Variants in ZNF536 observed in about 807,000 individuals in gnomAD.
ZNF536 encodes the protein zinc finger protein 536.
In ZNF536, 13 loss-of-function variants were observed where a neutral mutation model predicts 84.5. The observed-to-expected ratio is 0.15, with a 90% confidence interval of 0.10 to 0.24. The LOEUF is 0.24. ZNF536 is among the 10% of genes least tolerant of loss of function. The probability of loss-of-function intolerance (pLI) is 1.00; values close to 1 mark genes in which losing one functional copy is unlikely to be tolerated. For synonymous variants in ZNF536, 811 were observed against 742.5 expected, an observed-to-expected ratio of 1.09 and a Z score of -1.50; for missense variants, 1,536 against 1,747.5, an observed-to-expected ratio of 0.88 and a Z score of 2.16.
chr19:30,541,772 T>G (rs1236821289), intron 3 of ZNF536, among the ~76,000 whole-genome samples: 3 of 152,184 alleles, frequency 2.0e-5, no homozygotes. Flanking sequence ...TGCTCACATT[T>G]TAATGGGAAA....
chr19:30,582,406 G>A (rs1256485710), intron 1 of ZNF536, among the ~76,000 whole-genome samples: 1 of 120,984 alleles, frequency 8.3e-6, no homozygotes, highest in Non-Finnish European at 1.7e-5. Context: ...TTTTCAGACA[G>A]GGTCTAATTC....
chr19:30,439,449 G>A lies in ZNF536; in HGVS notation c.-2-4112G>A, dbSNP rs761861991. Among the ~76,000 whole-genome samples the A allele has an allele frequency of 5.3e-5, 8 of 152,268 alleles. No homozygotes were observed. In the South Asian group the frequency reaches 6.2e-4, roughly 12 times the overall value. On this transcript the variant is annotated intron_variant, in intron 1 of 4. Transcript: ENST00000355537. ...ACCCAGGTTTTGTGAGTCCCAGGCC[G>A]GGCCTGGGGCCAGCTTGTCCTGCCT...
intron 2 of ZNF536, among the ~76,000 whole-genome samples, chr19:30,284,304 G>A (rs1291226546): frequency 2.6e-5 from 4 of 152,144 alleles, no homozygotes; most frequent in South Asian, 4.1e-4. Flanking sequence ...TCTTGTGGGC[G>A]GGGTGAACTA....
intron 1 of ZNF536, among the ~76,000 whole-genome samples, chr19:30,252,043 C>T (rs1361769690): frequency 2.0e-5 from 3 of 152,162 alleles, no homozygotes; most frequent in Admixed American, 6.5e-5. Flanking sequence ...ACAATCTATA[C>T]ATCTGACAAA....
chr19:30,641,937 T>A (rs2049280578), intron 1 of ZNF536, among the ~76,000 whole-genome samples: 1 of 152,154 alleles, frequency 6.6e-6, no homozygotes, highest in Non-Finnish European at 1.5e-5. Context: ...AAGCCAAGGA[T>A]AATAGTACGA....
At chr19:30,392,544 A>G (rs918331991) in intron 1 of ZNF536, among the ~76,000 whole-genome samples, 1 of 152,164 alleles carries the variant, frequency 6.6e-6, no homozygotes, top group Non-Finnish European at 1.5e-5. Context: ...CGGCCTCCCA[A>G]CTGAGCCTGA....
At chr19:30,661,226 T>G (rs564262446) in intron 1 of ZNF536, among the ~76,000 whole-genome samples, 7 of 152,364 alleles carry the variant, frequency 4.6e-5, no homozygotes, top group Admixed American at 3.9e-4. Flanking sequence ...TCTAGACTCT[T>G]CTTAGGCAAC....
chr19:30,473,533 C>T lies in ZNF536; in HGVS notation c.2170+27801C>T, dbSNP rs1409464172. Among the ~76,000 whole-genome samples, 3 of 152,192 alleles carry T rather than the reference C, an allele frequency of 2.0e-5. No homozygotes were observed. In the East Asian group the frequency reaches 5.8e-4, roughly 29 times the overall value. The stretch of plus-strand genomic sequence containing the variant: ...CACCTTGCTGCCTATCTGTAAGTAA[C>T]AAATCTGCTTCACATAACCTGTTGC... On this transcript the variant is annotated intron_variant, in intron 2 of 4. Transcript: ENST00000355537.
intron 1 of ZNF536, among the ~76,000 whole-genome samples, chr19:30,702,596 C>T (rs1474536149): frequency 1.3e-5 from 2 of 152,106 alleles, no homozygotes; most frequent in Admixed American, 6.5e-5. Flanking sequence ...TCCCACGGAA[C>T]GAGGGCCAAG....
In ZNF536 at chr19:30,306,889, A is replaced by G. The variant is rs573045071; in HGVS notation, c.-120+22748A>G. ...AGTGTAAGAGCCACAAAACATATAGATAAAAATATAGCCATAATCACACAT... is the reference window on the plus strand; with the variant it reads ...AGTGTAAGAGCCACAAAACATATAGGTAAAAATATAGCCATAATCACACAT... On this transcript the variant is annotated intron_variant, in intron 2 of 5. Coordinates refer to the ZNF536 transcript ENST00000585628. 1.8e-4 allele frequency among the ~76,000 whole-genome samples: 28 copies of G among 152,372 alleles called. 1 individual carries two copies. In the South Asian group the frequency reaches 4.8e-3, roughly 26 times the overall value.
intron 1 of ZNF536, among the ~76,000 whole-genome samples, chr19:30,664,203 T>TC (rs2050221896): frequency 7.9e-5 from 7 of 88,704 alleles, no homozygotes; most frequent in South Asian, 3.1e-4. Flanking sequence ...CTTGCTGAGT[T>TC]TTCTCTCTCT....
At chr19:30,610,236 GA>G (rs1417074937) in intron 1 of ZNF536, among the ~76,000 whole-genome samples, 1 of 152,172 alleles carries the variant, frequency 6.6e-6, no homozygotes, top group Non-Finnish European at 1.5e-5. Flanking sequence ...AGTTTCCTTA[GA>G]TCTAAAACAT....
intron 2 of ZNF536, among the ~76,000 whole-genome samples, chr19:30,532,250 C>T (rs1186762376): frequency 6.6e-6 from 1 of 152,128 alleles, no homozygotes; most frequent in East Asian, 1.9e-4. Context: ...CTGCTTCAGC[C>T]TCCCGAGTAG....
chr19:30,383,027 C>T (rs1216933691), intron 1 of ZNF536, among the ~76,000 whole-genome samples: 1 of 152,254 alleles, frequency 6.6e-6, no homozygotes, highest in East Asian at 1.9e-4. Flanking sequence ...TGGTGGTCCA[C>T]GCCTGCAAGC....
At chr19:30,293,736 A>T (rs1243603123) in intron 2 of ZNF536, among the ~76,000 whole-genome samples, 1 of 152,184 alleles carries the variant, frequency 6.6e-6, no homozygotes, top group African/African-American at 2.4e-5. Flanking sequence ...GCATGTTAGC[A>T]CATTGCAAGA....
intron 1 of ZNF536, among the ~76,000 whole-genome samples, chr19:30,411,092 T>A (rs901903049): frequency 5.9e-5 from 9 of 152,110 alleles, no homozygotes; most frequent in East Asian, 1.9e-4. Context: ...TTTCTCCAAT[T>A]AAAAAAATGC....
At chr19:30,353,994 G>C (rs999797054) in intron 3 of ZNF536, among the ~76,000 whole-genome samples, 4 of 152,192 alleles carry the variant, frequency 2.6e-5, no homozygotes, top group African/African-American at 9.7e-5. Context: ...TGCCTCCCGA[G>C]ATGGAGAAGG....
chr19:30,265,797 C>T (rs1458471456), intron 1 of ZNF536, among the ~76,000 whole-genome samples: 2 of 152,214 alleles, frequency 1.3e-5, no homozygotes, highest in Non-Finnish European at 2.9e-5. Context: ...ATCAAGTGGG[C>T]ACTCTTTTCT....
intron 1 of ZNF536, among the ~76,000 whole-genome samples, chr19:30,242,175 G>T (rs1300917388): frequency 6.6e-6 from 1 of 152,012 alleles, no homozygotes; most frequent in Non-Finnish European, 1.5e-5. Flanking sequence ...CTTCCCTCTT[G>T]CCCTCCTTCT....
Sources: allele counts gnomAD v4.1 joint callset (sites outside exome capture counted in the v4.1 genomes callset), GRCh38; gene constraint gnomAD v4.1.1; transcripts MANE v1.5; gene names NCBI Gene and HGNC (gene_info 2026-07-23, HGNC 2026-07-21).